The following PDP1 variants were observed in gnomAD, a reference collection of about 807,000 sequenced individuals.
PDP1 encodes the protein pyruvate dehydrogenase phosphatase catalytic subunit 1.
Under a neutral mutation model 37.1 loss-of-function variants are expected in PDP1, and 14 were observed. The ratio of observed to expected loss-of-function variants is 0.38; its 90% CI spans 0.25 to 0.59. The LOEUF is 0.59. Among genes scored for constraint, PDP1 ranks in the 20% least tolerant of loss-of-function variants. PDP1 has a pLI of 0.67. For missense variants in PDP1, 544 were observed against 655.3 expected (o/e 0.83, Z 1.85); for synonymous variants, 251 against 243.3 (o/e 1.03, Z -0.29).
intron 1 of PDP1, chr8:93,921,130 C>T (rs764438279): frequency 2.0e-6 from 2 of 983,680 alleles, no homozygotes; most frequent in Admixed American, 6.2e-5. Flanking sequence ...ATAAATGAAA[C>T]CTGAATTTTA....
In PDP1 at chr8:93,923,076, A is replaced by G. The variant is rs1378281602; in HGVS notation, c.1017A>G (p.Lys339=). 1.2e-6 allele frequency: 2 copies of G among 1,614,176 alleles called. No homozygotes were observed. The highest frequency in any genetic ancestry group is 1.1e-5 in the South Asian group (1 of 91,078). The change falls in exon 2 of 2, where the codon AAA becomes AAG. Residue 339 remains lysine (K), a synonymous_variant. Coordinates refer to ENST00000297598, the MANE Select transcript of PDP1 (RefSeq NM_018444.4). This position sits in a 1 kb window ranked among gnomAD's most constrained non-coding sequence, Gnocchi z 4.3. ...HPKSEAKSVV[K]QDRLLGLLMP... ...AGAGTGAGGCCAAGAGTGTCGTGAA[A>G]CAGGATCGGCTGCTTGGCTTGCTGA...
intron 1 of PDP1, among the ~76,000 whole-genome samples, chr8:93,919,446 C>T (rs557456969): frequency 2.2e-4 from 33 of 152,186 alleles, no homozygotes; most frequent in African/African-American, 7.0e-4. Context: ...CACGCCATTG[C>T]ACTTCAGCCT....
intron 1 of PDP1, among the ~76,000 whole-genome samples, chr8:93,918,218 C>T (rs1469565307): frequency 1.3e-5 from 2 of 152,158 alleles, no homozygotes; most frequent in Non-Finnish European, 2.9e-5. Context: ...TGTGAAATGG[C>T]TAGGCATTTC....
chr8:93,924,003 A>G lies in PDP1; in HGVS notation c.*330A>G. ...GATCTTGAATAGGCCAAAAGCAAGT[A>G]TCTTGCTGTGTGTAGTCTCTTGGTT... On this transcript the variant is annotated 3_prime_UTR_variant, in exon 2 of 2. Transcript: ENST00000297598. 2.8e-6 allele frequency: 1 copy of G among 363,006 alleles called. No individual in the cohort carries two copies. The highest frequency in any genetic ancestry group is 7.1e-5 in the East Asian group (1 of 14,036). The allele number at this position is 363,006 out of a possible 1,614,324, so 22.5% of individuals were successfully genotyped here. A position where few individuals can be genotyped will look rare whatever the true frequency, so the allele number is the denominator to read the frequency against.
chr8:93,917,023 G>C lies in PDP1; in HGVS notation c.-101G>C. ...TGCGTGGAAAGAGCGCCGAGCGGTG[G>C]CGTCGTTGTCGCCCCCTCCTCGTCG... On this transcript the variant is annotated 5_prime_UTR_variant, in exon 1 of 2. Transcript: ENST00000297598. 4.2e-6 allele frequency: 2 copies of C among 477,922 alleles called. No homozygotes were observed. Among genetic ancestry groups the C allele is most frequent in the South Asian group, 3.0e-5 (2 of 66,824 alleles). The allele number at this position is 477,922 out of a possible 1,614,324, so 29.6% of individuals were successfully genotyped here.
At chr8:93,918,621 T>C (rs756411982) in intron 1 of PDP1, among the ~76,000 whole-genome samples, 1 of 152,218 alleles carries the variant, frequency 6.6e-6, no homozygotes, top group Non-Finnish European at 1.5e-5. Flanking sequence ...AAATTTTCCG[T>C]GAAAATTGTG....
chr8:93,918,665 GT>G (rs1810164773), intron 1 of PDP1, among the ~76,000 whole-genome samples: 1 of 152,190 alleles, frequency 6.6e-6, no homozygotes, highest in Non-Finnish European at 1.5e-5. Flanking sequence ...ACACTGCTCT[GT>G]TTTACCAACA....
chr8:93,919,173 C>T (rs749948747), intron 1 of PDP1: 2 of 942,536 alleles, frequency 2.1e-6, no homozygotes, highest in East Asian at 1.2e-4. Flanking sequence ...CCTGCTGTGT[C>T]AATCATTGCT....
chr8:93,920,699 T>G, intron 1 of PDP1: 3 of 931,330 alleles, frequency 3.2e-6, no homozygotes, highest in Non-Finnish European at 3.8e-6. Context: ...TTGACTATAC[T>G]GCTTCCCTGG....
At chr8:93,917,952 A>G in intron 1 of PDP1, 1 of 1,613,940 alleles carries the variant, frequency 6.2e-7, no homozygotes, top group Non-Finnish European at 8.5e-7. Flanking sequence ...ATTGGTAGGT[A>G]TTCACTTAAC....
At chr8:93,917,780 T>C (rs1810125229) in intron 1 of PDP1, 3 of 1,386,526 alleles carry the variant, frequency 2.2e-6, no homozygotes, top group Admixed American at 4.3e-5. Flanking sequence ...TCGCCCCTCC[T>C]CCGCTCCCGC....
chr8:93,916,929 C>T lies in PDP1; in HGVS notation c.-195C>T, dbSNP rs752507773. 10 of 366,312 alleles carry T rather than the reference C, an allele frequency of 2.7e-5. No individual in the cohort carries two copies. Among genetic ancestry groups the T allele is most frequent in the Non-Finnish European group, 5.3e-5 (10 of 187,170 alleles). 22.7% of individuals were successfully genotyped at this position (366,312 alleles called of 1,614,324 possible). ...CGTGCGGGCGGGGCAGGGTGGCGGC[C>T]CCGCACGGTAGGGGAGCAGAGTGGG... On this transcript the variant is annotated 5_prime_UTR_variant, in exon 1 of 2. Coordinates refer to ENST00000297598, the MANE Select transcript of PDP1 (RefSeq NM_018444.4).
chr8:93,919,478 T>TC (rs1810191022), intron 1 of PDP1, among the ~76,000 whole-genome samples: 2 of 108,658 alleles, frequency 1.8e-5, no homozygotes, highest in South Asian at 3.6e-4. Context: ...GCAAAATTCC[T>TC]CCCCCCGCTG....
chr8:93,920,315 A>T (rs1177915094), intron 1 of PDP1, among the ~76,000 whole-genome samples: 2 of 152,234 alleles, frequency 1.3e-5, no homozygotes, highest in Admixed American at 6.5e-5. Context: ...CATGAAAATA[A>T]TATATGGCTG....
intron 1 of PDP1, chr8:93,920,051 T>A (rs1810220186): frequency 6.6e-6 from 1 of 152,248 alleles, no homozygotes; most frequent in African/African-American, 2.4e-5. Context: ...TTACGGATTC[T>A]TATTTCCAAA....
intron 1 of PDP1, chr8:93,920,672 A>G: frequency 1.1e-6 from 1 of 942,654 alleles, no homozygotes; most frequent in Non-Finnish European, 1.3e-6. Flanking sequence ...TTTTCAATCC[A>G]AACCTTAGAC....
At chr8:93,921,740 T>C in intron 1 of PDP1, 1 of 338,746 alleles carries the variant, frequency 3.0e-6, no homozygotes, top group Non-Finnish European at 5.4e-6. Context: ...CTGCACAGTT[T>C]GTACTGCACA....
In PDP1 at chr8:93,923,767, TCATTCTAAGC is replaced by T; in HGVS notation, c.*95_*104del. On this transcript the variant is annotated 3_prime_UTR_variant, in exon 2 of 2. Coordinates refer to ENST00000297598, the MANE Select transcript of PDP1 (RefSeq NM_018444.4). The surrounding 1 kb of genome is among the most constrained non-coding windows in gnomAD (Gnocchi z 4.3). ...TACTATAATAAACATTTCCAGTTGG[TCATTCTAAGC>T]ATTTACCCTTTTGATACTCTAGCTA... 9.3e-7 allele frequency: 1 copy of T among 1,071,852 alleles called. No homozygotes were observed. Among genetic ancestry groups the T allele is most frequent in the Non-Finnish European group, 1.4e-6 (1 of 692,126 alleles). The allele number at this position is 1,071,852 out of a possible 1,614,324, so 66.4% of individuals were successfully genotyped here. A position where few individuals can be genotyped will look rare whatever the true frequency, so the allele number is the denominator to read the frequency against.
chr8:93,917,663 CG>C, intron 1 of PDP1: 1 of 721,888 alleles, frequency 1.4e-6, no homozygotes, highest in African/African-American at 1.8e-5. Flanking sequence ...GCCTCCCCGG[CG>C]GGGTGGGTTG....
Sources: allele counts gnomAD v4.1 joint callset (sites outside exome capture counted in the v4.1 genomes callset), GRCh38; gene constraint gnomAD v4.1.1; non-coding constraint Gnocchi (gnomAD v3.1); transcripts MANE v1.5; gene names NCBI Gene and HGNC (gene_info 2026-07-23, HGNC 2026-07-21).